The following RXFP1 variants were observed in gnomAD, a reference collection of about 807,000 sequenced individuals.
RXFP1 encodes the protein relaxin family peptide receptor 1.
A neutral mutation model predicts 89.8 loss-of-function variants in RXFP1; 73 were observed. The observed-to-expected ratio is 0.81, with a 90% confidence interval of 0.67 to 0.99. RXFP1 has a LOEUF of 0.99. Ranked by LOEUF, RXFP1 falls within the 50% of genes least tolerant of loss-of-function variation. RXFP1 has a pLI of 0.00. For missense variants in RXFP1, 793 were observed against 895.5 expected, an observed-to-expected ratio of 0.89 and a Z score of 1.46; for synonymous variants, 277 against 305.5, an observed-to-expected ratio of 0.91 and a Z score of 0.97.
At chr4:158,595,491 A>T (rs191537840) in intron 3 of RXFP1, among the ~76,000 whole-genome samples, 176 of 152,328 alleles carry the variant, frequency 1.2e-3, no homozygotes, top group African/African-American at 4.1e-3. Flanking sequence ...CACATATTAA[A>T]TACTAGTGTT....
chr4:158,562,738 G>A (rs1477249772), intron 1 of RXFP1, among the ~76,000 whole-genome samples: 1 of 151,974 alleles, frequency 6.6e-6, no homozygotes, highest in Non-Finnish European at 1.5e-5. Context: ...CCCATCCGGG[G>A]CAGTTGATCT....
intron 14 of RXFP1, among the ~76,000 whole-genome samples, chr4:158,641,607 G>A (rs930316162): frequency 2.6e-5 from 4 of 152,122 alleles, no homozygotes; most frequent in Admixed American, 6.6e-5. Flanking sequence ...GGATATAACC[G>A]AATGGGGAAA....
intron 3 of RXFP1, 97 bp from the exon 4 acceptor site, chr4:158,599,229 A>C: frequency 6.4e-7 from 1 of 1,571,630 alleles, no homozygotes; most frequent in African/African-American, 1.3e-5. Flanking sequence ...TTTTGTACTA[A>C]ATGATTTTCT....
chr4:158,584,465 A>G (rs146578451), intron 2 of RXFP1, among the ~76,000 whole-genome samples: 89 of 152,232 alleles, frequency 5.8e-4, no homozygotes, highest in Admixed American at 5.7e-3. Context: ...TCCACTTTGC[A>G]TAAATACAAG....
intron 1 of RXFP1, among the ~76,000 whole-genome samples, chr4:158,536,757 T>G (rs1745361542): frequency 6.6e-6 from 1 of 152,156 alleles, no homozygotes; most frequent in Non-Finnish European, 1.5e-5. Context: ...GTGGTTTGCC[T>G]TCAACTGAAC....
chr4:158,634,625 T>C (rs1429899947), intron 12 of RXFP1, among the ~76,000 whole-genome samples: 2 of 152,198 alleles, frequency 1.3e-5, no homozygotes, highest in African/African-American at 4.8e-5. Context: ...CATGAAGCTT[T>C]TCCTGTATGA....
At chr4:158,647,990 G>A (rs575223327) in intron 16 of RXFP1, among the ~76,000 whole-genome samples, 46 of 144,636 alleles carry the variant, frequency 3.2e-4, no homozygotes, top group African/African-American at 8.9e-4. Flanking sequence ...ACTCCAGCCC[G>A]AGCAACACAG....
At chr4:158,598,865 C>G (rs983363564) in intron 3 of RXFP1, among the ~76,000 whole-genome samples, 4 of 151,638 alleles carry the variant, frequency 2.6e-5, no homozygotes, top group African/African-American at 9.7e-5. Context: ...CTTTAGTTCT[C>G]CTCGTTCTTG....
At chr4:158,553,118 G>T (rs1750534464) in intron 1 of RXFP1, among the ~76,000 whole-genome samples, 1 of 152,164 alleles carries the variant, frequency 6.6e-6, no homozygotes, top group Non-Finnish European at 1.5e-5. Flanking sequence ...GAGCCCAGGG[G>T]TTTGAGGCTG....
Position 158,633,303 on chromosome 4 carries a change from A to G in RXFP1, c.900-102A>G, listed in dbSNP as rs184428002. 24 of 716,850 alleles carry G rather than the reference A, an allele frequency of 3.3e-5. No homozygotes were observed. In the Admixed American group the frequency reaches 5.3e-4, roughly 16 times the overall value. The allele number at this position is 716,850 out of a possible 1,614,324, so 44.4% of individuals were successfully genotyped here. Reference sequence around the variant, plus strand: ...TTCTGGTGATTAATATAACTCACCAATGGCATTGTTGAAAAGTTGTATAGT... The same window carrying G: ...TTCTGGTGATTAATATAACTCACCAGTGGCATTGTTGAAAAGTTGTATAGT... On this transcript the variant is annotated intron_variant, in intron 11 of 17. Transcript: ENST00000307765.
rs142771679 is a variant in RXFP1, at chr4:158,582,945, A to G, written c.187+10110A>G. Reference sequence around the variant, plus strand: ...CTATTGTCAGTAATCAAATTTAAGCATTTAAAAATCAAATACCAAGAAATT... The same window carrying G: ...CTATTGTCAGTAATCAAATTTAAGCGTTTAAAAATCAAATACCAAGAAATT... On this transcript the variant is annotated intron_variant, in intron 2 of 17. Coordinates refer to ENST00000307765, the MANE Select transcript of RXFP1 (RefSeq NM_021634.4). Among the ~76,000 whole-genome samples, 288 of 152,340 alleles carry G rather than the reference A, an allele frequency of 1.9e-3. 2 individuals carry two copies. The highest frequency in any genetic ancestry group is 6.7e-3 in the African/African-American group (279 of 41,588).
chr4:158,528,222 G>T (rs1212371392), intron 1 of RXFP1, among the ~76,000 whole-genome samples: 1 of 152,124 alleles, frequency 6.6e-6, no homozygotes, highest in African/African-American at 2.4e-5. Flanking sequence ...GAGTAAGGCG[G>T]GGGGCAGTGT....
chr4:158,550,401 G>A (rs1036075912), intron 1 of RXFP1, among the ~76,000 whole-genome samples: 4 of 152,332 alleles, frequency 2.6e-5, no homozygotes, highest in East Asian at 3.9e-4. Flanking sequence ...TGCACTTCCC[G>A]TGTGAGGCAA....
At chr4:158,611,999 T>G (rs1357263671) in intron 6 of RXFP1, 131 bp from the exon 7 acceptor site, 1 of 676,470 alleles carries the variant, frequency 1.5e-6, no homozygotes, top group Admixed American at 2.9e-5. Context: ...TCTTAGAGAT[T>G]CAAAGGCAGG....
At chr4:158,623,502 C>CAAAAAAGAAA (rs1491430652) in intron 9 of RXFP1, among the ~76,000 whole-genome samples, 1 of 42,604 alleles carries the variant, frequency 2.3e-5, no homozygotes, top group African/African-American at 7.0e-5. Flanking sequence ...AACTCCATCT[C>CAAAAAAGAAA]AAAAAAAAAA....
At chr4:158,632,392 C>G (rs1407361530) in intron 11 of RXFP1, among the ~76,000 whole-genome samples, 1 of 152,322 alleles carries the variant, frequency 6.6e-6, no homozygotes, top group East Asian at 1.9e-4. Flanking sequence ...TCTATTCATT[C>G]TCCTACCTAT....
intron 1 of RXFP1, among the ~76,000 whole-genome samples, chr4:158,569,985 T>C (rs1317727081): frequency 2.0e-5 from 3 of 152,218 alleles, no homozygotes; most frequent in African/African-American, 4.8e-5. Context: ...CTTCATTCTA[T>C]TAAATGTTTA....
intron 1 of RXFP1, among the ~76,000 whole-genome samples, chr4:158,523,656 A>G (rs893654197): frequency 1.3e-5 from 2 of 152,186 alleles, no homozygotes; most frequent in African/African-American, 4.8e-5. Context: ...CATTTGCAGC[A>G]AAGTTTGGCA....
In RXFP1 at chr4:158,622,457, A is replaced by G. The variant is rs1580141311; in HGVS notation, c.756-4363A>G. Among the ~76,000 whole-genome samples, 6 of 152,244 alleles carry G rather than the reference A, an allele frequency of 3.9e-5. No individual in the cohort carries two copies. The South Asian group carries it at 1.2e-3, about 31-fold the overall frequency. Reference sequence around the variant, plus strand: ...CAGCATTAGTCACAATAGCCAAGATATTAGTCAACCTTAGTGTCCAATGAC... The same window carrying G: ...CAGCATTAGTCACAATAGCCAAGATGTTAGTCAACCTTAGTGTCCAATGAC... On this transcript the variant is annotated intron_variant, in intron 9 of 17. Coordinates refer to ENST00000307765, the MANE Select transcript of RXFP1 (RefSeq NM_021634.4).
Sources: allele counts gnomAD v4.1 joint callset (sites outside exome capture counted in the v4.1 genomes callset), GRCh38; gene constraint gnomAD v4.1.1; transcripts MANE v1.5; gene names NCBI Gene and HGNC (gene_info 2026-07-23, HGNC 2026-07-21).